Variants in TRIO observed in about 807,000 individuals in gnomAD.
TRIO encodes trio Rho guanine nucleotide exchange factor, also known as triple functional domain protein.
TRIO carries 58 observed loss-of-function variants against 351.9 expected under a neutral mutation model. The ratio of observed to expected loss-of-function variants is 0.16; its 90% CI spans 0.13 to 0.21. The LOEUF is 0.21. Among genes scored for constraint, TRIO ranks in the 10% least tolerant of loss-of-function variants. The probability of loss-of-function intolerance (pLI) is 1.00; values close to 1 mark genes in which losing one functional copy is unlikely to be tolerated. For synonymous variants in TRIO, 1,758 were observed against 1,595.7 expected (o/e 1.10, Z -2.42); for missense variants, 3,201 against 4,027.8 (o/e 0.79, Z 5.56).
At chr5:14,239,015 A>G (rs1176565542) in intron 1 of TRIO, among the ~76,000 whole-genome samples, 1 of 152,088 alleles carries the variant, frequency 6.6e-6, no homozygotes, top group Non-Finnish European at 1.5e-5. Context: ...GTGCTGTTGG[A>G]CTTATTTTTC....
intron 1 of TRIO, among the ~76,000 whole-genome samples, chr5:14,201,185 G>T (rs964249472): frequency 6.6e-6 from 1 of 151,924 alleles, no homozygotes; most frequent in African/African-American, 2.4e-5. Context: ...GCTTGAACCC[G>T]GGAGGCAGAG....
chr5:14,438,135 C>T (rs1404727198), intron 34 of TRIO, among the ~76,000 whole-genome samples: 1 of 152,212 alleles, frequency 6.6e-6, no homozygotes, highest in Non-Finnish European at 1.5e-5. Context: ...CTACATTACA[C>T]GTGTTCTCTT....
At position 14,508,211 on chromosome 5, in the gene TRIO, G is replaced by C. The variant is rs747525769; in HGVS notation, c.9083G>C (p.Cys3028Ser). Residue 3028 changes from cysteine (C) to serine (S), a missense_variant, in exon 57 of 57, where the codon TGC becomes TCC. This residue lies in a region of TRIO where 233 missense variants were observed against 292.6 expected (regional missense o/e 0.80). Coordinates refer to ENST00000344204, the MANE Select transcript of TRIO (RefSeq NM_007118.4). ...GVSQKAKEFV[C>S]FLLQEDPAKR... ...AGCCAGAAGGCCAAGGAGTTCGTGT[G>C]CTTCCTCCTGCAGGAGGACCCCGCC... is the stretch of plus-strand genomic sequence containing the variant. 19 of 1,613,948 alleles carry C rather than the reference G, an allele frequency of 1.2e-5. No homozygotes were observed. Among genetic ancestry groups the C allele is most frequent in the Non-Finnish European group, 1.6e-5 (19 of 1,180,030 alleles).
intron 33 of TRIO, among the ~76,000 whole-genome samples, chr5:14,411,466 C>T (rs1173961859): frequency 2.0e-5 from 3 of 152,168 alleles, no homozygotes; most frequent in South Asian, 2.1e-4. Flanking sequence ...AGCTGTCTTT[C>T]GAATCTTAAG....
At chr5:14,181,368 C>G (rs764612868) in intron 1 of TRIO, among the ~76,000 whole-genome samples, 1 of 152,178 alleles carries the variant, frequency 6.6e-6, no homozygotes, top group South Asian at 2.1e-4. Flanking sequence ...CTGCTTCACC[C>G]GAGCCCAGAC....
intron 1 of TRIO, among the ~76,000 whole-genome samples, chr5:14,175,621 G>T (rs1037134472): frequency 6.6e-6 from 1 of 152,244 alleles, no homozygotes; most frequent in East Asian, 1.9e-4. Flanking sequence ...GAAATGATGA[G>T]ACTCAGAATA....
chr5:14,453,204 G>A (rs752086651), intron 34 of TRIO, among the ~76,000 whole-genome samples: 1 of 152,000 alleles, frequency 6.6e-6, no homozygotes, highest in African/African-American at 2.4e-5. Flanking sequence ...ACTTTCTCTT[G>A]GTGCTTCAAG....
chr5:14,402,912 G>T (rs970704810), intron 31 of TRIO, among the ~76,000 whole-genome samples: 2 of 152,010 alleles, frequency 1.3e-5, no homozygotes, highest in African/African-American at 4.8e-5. Flanking sequence ...TGAGGGTACA[G>T]ATTTTGTTGG....
At chr5:14,299,145 A>G (rs1737639230) in intron 7 of TRIO, among the ~76,000 whole-genome samples, 1 of 152,212 alleles carries the variant, frequency 6.6e-6, no homozygotes, top group Admixed American at 6.5e-5. Flanking sequence ...GTCATGGGGC[A>G]TTTTCCTTCC....
chr5:14,482,311 A>C (rs2126610383), intron 45 of TRIO: 1 of 234,450 alleles, frequency 4.3e-6, no homozygotes, highest in East Asian at 8.2e-5. Context: ...CCACTGTTCT[A>C]GTATAAACCA....
At chr5:14,355,940 C>G (rs1436860289) in intron 11 of TRIO, among the ~76,000 whole-genome samples, 2 of 152,156 alleles carry the variant, frequency 1.3e-5, no homozygotes. Context: ...AAATTTTGAA[C>G]TAGCTTATCT....
At position 14,498,102 on chromosome 5, in the gene TRIO, C is replaced by G. The variant is rs371720824; in HGVS notation, c.8061C>G (p.Phe2687Leu). ...TTTCCCATGCAGTTCCCCCAGAATT[C>G]GTCATTCCATTGAGTGAGGTCACGT... is the stretch of plus-strand genomic sequence containing the variant. ...PNYIYDVPPE[F>L]VIPLSEVTCE... The change falls in exon 52 of 57, where the codon TTC becomes TTG. Residue 2687 changes from phenylalanine to leucine, a missense_variant. By Grantham distance (22) the Phe-to-Leu change is conservative. This residue lies in a region of TRIO where 1,089 missense variants were observed against 954.9 expected (regional missense o/e 1.14). Transcript: ENST00000344204. 1 of 1,614,150 alleles carries G rather than the reference C, an allele frequency of 6.2e-7. No individual in the cohort carries two copies. The highest frequency in any genetic ancestry group is 1.3e-5 in the African/African-American group (1 of 75,022).
chr5:14,488,329 G>C, intron 48 of TRIO, 69 bp downstream of exon 48: 2 of 1,461,386 alleles, frequency 1.4e-6, no homozygotes, highest in South Asian at 1.3e-5. Context: ...AAACGCCACC[G>C]CGGCTGTTCT....
intron 8 of TRIO, among the ~76,000 whole-genome samples, chr5:14,308,784 A>ACCAGCCAC (rs149330023): frequency 4.7e-5 from 7 of 149,706 alleles, no homozygotes; most frequent in Non-Finnish European, 8.9e-5. Flanking sequence ...CATCTATCCA[A>ACCAGCCAC]CCAACCACCC....
intron 1 of TRIO, among the ~76,000 whole-genome samples, chr5:14,177,037 A>C (rs573000119): frequency 2.6e-5 from 4 of 152,210 alleles, no homozygotes; most frequent in Non-Finnish European, 4.4e-5. Context: ...GTTTTCAAAC[A>C]CTGTGTGTCC....
chr5:14,490,409 C>A (rs207465625), intron 48 of TRIO, among the ~76,000 whole-genome samples: 2 of 152,384 alleles, frequency 1.3e-5, no homozygotes, highest in African/African-American at 4.8e-5. Flanking sequence ...GCCCGGCTCC[C>A]TCTTCCCCCT....
At chr5:14,425,265 T>C (rs935772184) in intron 34 of TRIO, among the ~76,000 whole-genome samples, 7 of 152,334 alleles carry the variant, frequency 4.6e-5, no homozygotes, top group Admixed American at 1.3e-4. Flanking sequence ...CCCTTTCCTT[T>C]CTGTCTCCAT....
In TRIO at chr5:14,348,828, T is replaced by C. The variant is rs534616006; in HGVS notation, c.2047-9350T>C. 9.2e-5 allele frequency among the ~76,000 whole-genome samples: 13 copies of C among 141,844 alleles called. No homozygotes were observed. The South Asian group carries it at 2.7e-3, about 29-fold the overall frequency. The allele number at this position is 141,844 out of a possible 152,430, so 93.1% of individuals were successfully genotyped here. A position where few individuals can be genotyped will look rare whatever the true frequency, so the allele number is the denominator to read the frequency against. ...TGAGCATGTGTTTTTCCTGCGTGTT[T>C]ATGTGTGTGTACGCACGTGAGCATG... On this transcript the variant is annotated intron_variant, in intron 11 of 56. Coordinates refer to ENST00000344204, the MANE Select transcript of TRIO (RefSeq NM_007118.4).
At chr5:14,274,216 G>T (rs1435596164) in intron 2 of TRIO, among the ~76,000 whole-genome samples, 1 of 152,152 alleles carries the variant, frequency 6.6e-6, no homozygotes, top group Non-Finnish European at 1.5e-5. Context: ...CCTGTAGGTT[G>T]TGTGTTACCT....
Sources: allele counts gnomAD v4.1 joint callset (sites outside exome capture counted in the v4.1 genomes callset), GRCh38; gene constraint gnomAD v4.1.1; regional missense constraint gnomAD v4.1.1; transcripts MANE v1.5; gene names NCBI Gene and HGNC (gene_info 2026-07-23, HGNC 2026-07-21).